Variants in FARP2 observed in about 807,000 individuals in gnomAD.
FARP2 encodes the protein FERM, ARHGEF and pleckstrin domain-containing protein 2.
FARP2 carries 111 observed loss-of-function variants against 130.5 expected under a neutral mutation model. The ratio of observed to expected loss-of-function variants is 0.85; its 90% CI spans 0.73 to 1.00. The LOEUF is 1.00. FARP2 is among the 50% of genes least tolerant of loss of function. The pLI is 0.00. For synonymous variants in FARP2, 504 were observed against 516.9 expected (o/e 0.98, Z 0.34); for missense variants, 1,385 against 1,346.3 (o/e 1.03, Z -0.45).
intron 14 of FARP2, among the ~76,000 whole-genome samples, chr2:241,461,252 T>C (rs1209349258): frequency 2.0e-5 from 3 of 152,110 alleles, no homozygotes; most frequent in African/African-American, 7.2e-5. Flanking sequence ...CTTCAGAATG[T>C]GTCCAGGATC....
intron 13 of FARP2, among the ~76,000 whole-genome samples, chr2:241,455,988 C>T (rs1021097041): frequency 2.0e-5 from 3 of 151,296 alleles, no homozygotes; most frequent in African/African-American, 7.3e-5. Context: ...TTAATAGTTA[C>T]TGGTTTCCCA....
At chr2:241,433,275 G>T (rs1473601076) in intron 9 of FARP2, among the ~76,000 whole-genome samples, 3 of 152,210 alleles carry the variant, frequency 2.0e-5, no homozygotes, top group Non-Finnish European at 4.4e-5. Context: ...ACCTAAGCAC[G>T]TTTTAAAGAC....
intron 23 of FARP2, 37 bp from the exon 24 acceptor site, chr2:241,491,479 G>A (rs1337614687): frequency 3.1e-6 from 5 of 1,610,146 alleles, no homozygotes; most frequent in Admixed American, 3.3e-5. Flanking sequence ...AGAGGCCACA[G>A]GGGGTTCCCC....
chr2:241,366,107 ATATATATATATATACG>A (rs1362172754), intron 1 of FARP2, among the ~76,000 whole-genome samples: 5 of 42,452 alleles, frequency 1.2e-4, no homozygotes, highest in Non-Finnish European at 2.5e-4. Flanking sequence ...AAAAAAAAAT[ATATATATATATATACG>A]TATATATATA....
chr2:241,462,745 G>T, intron 15 of FARP2, 133 bp downstream of exon 15: 1 of 639,258 alleles, frequency 1.6e-6, no homozygotes, highest in South Asian at 1.9e-5. Context: ...GCTGGAGTGC[G>T]GTGGCATGAT....
intron 2 of FARP2, among the ~76,000 whole-genome samples, chr2:241,390,411 G>A (rs982823299): frequency 6.6e-5 from 10 of 152,122 alleles, no homozygotes; most frequent in South Asian, 4.1e-4. Flanking sequence ...TAGGTTCCTC[G>A]TAGACACATT....
chr2:241,431,804 A>T (rs941177888), intron 9 of FARP2, 30 bp downstream of exon 9: 8 of 792,296 alleles, frequency 1.0e-5, no homozygotes, highest in Non-Finnish European at 1.5e-5. Flanking sequence ...TTTTATTTTT[A>T]TTTTATTTTA....
chr2:241,445,644 G>C (rs2063496500), intron 13 of FARP2: 1 of 152,208 alleles, frequency 6.6e-6, no homozygotes, highest in African/African-American at 2.4e-5. Flanking sequence ...GAGAGGTGTG[G>C]CCTGATAAAC....
intron 5 of FARP2, chr2:241,410,794 C>G: frequency 2.1e-6 from 1 of 469,916 alleles, no homozygotes; most frequent in African/African-American, 2.0e-5. Context: ...TTTGCGCTCT[C>G]CCATGTGTGT....
intron 21 of FARP2, among the ~76,000 whole-genome samples, chr2:241,486,226 G>A (rs1377385257): frequency 2.0e-5 from 3 of 151,560 alleles, no homozygotes; most frequent in Non-Finnish European, 4.4e-5. Context: ...TGGTAGGATC[G>A]CTTGAAGCTG....
chr2:241,373,407 G>C (rs2061465857), intron 2 of FARP2, 117 bp downstream of exon 2: 1 of 567,542 alleles, frequency 1.8e-6, no homozygotes, highest in Non-Finnish European at 2.7e-6. Context: ...GAGTAGCTTT[G>C]GTAACACATG....
chr2:241,431,915 G>A (rs1028926978), intron 9 of FARP2, 141 bp downstream of exon 9: 7 of 233,180 alleles, frequency 3.0e-5, no homozygotes, highest in East Asian at 1.9e-4. Context: ...TCTGCCTCCC[G>A]GGTTCAAGCG....
At chr2:241,448,459 T>G (rs1228724708) in intron 13 of FARP2, among the ~76,000 whole-genome samples, 1 of 152,246 alleles carries the variant, frequency 6.6e-6, no homozygotes, top group Non-Finnish European at 1.5e-5. Flanking sequence ...TTTATTTAGT[T>G]TACTTTAATA....
In FARP2 at chr2:241,418,099, T is replaced by A. The variant is rs1431269086; in HGVS notation, c.761T>A (p.Leu254His). ...IQLAVSHMGV[L>H]VFQGTTKINT... ...CTGGCAGTTTCCCACATGGGTGTACTCGTGTTCCAGGTAGGCCAGTGGGGA... is the reference window on the plus strand; with the variant it reads ...CTGGCAGTTTCCCACATGGGTGTACACGTGTTCCAGGTAGGCCAGTGGGGA... The change falls in exon 8 of 27, where the codon CTC becomes CAC. Residue 254 changes from leucine to histidine, a missense_variant. Transcript: ENST00000264042. 1 of 1,614,162 alleles carries A rather than the reference T, an allele frequency of 6.2e-7. No individual in the cohort carries two copies. Among genetic ancestry groups the A allele is most frequent in the South Asian group, 1.1e-5 (1 of 91,082 alleles).
chr2:241,412,368 A>G (rs1364048336), intron 6 of FARP2, among the ~76,000 whole-genome samples: 1 of 152,184 alleles, frequency 6.6e-6, no homozygotes, highest in Admixed American at 6.5e-5. Context: ...GGGTGGGAAC[A>G]CAGCCAAACC....
At chr2:241,466,536 T>A in intron 17 of FARP2, 1 of 985,420 alleles carries the variant, frequency 1.0e-6, no homozygotes, top group South Asian at 4.7e-5. Context: ...ATCATGGGCA[T>A]CGGCAGGGCT....
intron 4 of FARP2, among the ~76,000 whole-genome samples, chr2:241,405,602 A>C (rs2062312305): frequency 6.6e-6 from 1 of 152,260 alleles, no homozygotes; most frequent in African/African-American, 2.4e-5. Flanking sequence ...ATGTACCTTT[A>C]CAGTAATCAG....
intron 14 of FARP2, among the ~76,000 whole-genome samples, chr2:241,460,254 T>A (rs1446172410): frequency 2.0e-5 from 3 of 152,104 alleles, no homozygotes; most frequent in South Asian, 4.1e-4. Flanking sequence ...CCCAGAGAAT[T>A]CACTGGGCAT....
intron 18 of FARP2, among the ~76,000 whole-genome samples, chr2:241,473,560 G>C (rs4675950): frequency 0.033 from 5,057 of 152,270 alleles, 503 homozygotes; most frequent in Admixed American, 0.19. Context: ...AGTCCCTACC[G>C]AGGTGCAGCA....
Sources: gnomAD v4.1 joint callset for allele counts (sites outside exome capture counted in the v4.1 genomes callset) on GRCh38, gnomAD v4.1.1 for gene constraint, MANE v1.5 for transcripts, NCBI Gene and HGNC (gene_info 2026-07-23, HGNC 2026-07-21) for gene names.